ATG4C: variants seen among roughly 807,000 people sequenced by gnomAD.
The protein encoded by ATG4C is cysteine protease ATG4C.
ATG4C carries 56 observed loss-of-function variants against 57.6 expected under a neutral mutation model. The ratio of observed to expected loss-of-function variants is 0.97; its 90% CI spans 0.78 to 1.21. ATG4C has a LOEUF of 1.21. Among genes scored for constraint, ATG4C ranks in the 50% most tolerant of loss-of-function variants. The pLI is 0.00. For missense variants in ATG4C, 595 were observed against 529.8 expected, an observed-to-expected ratio of 1.12 and a Z score of -1.21; for synonymous variants, 157 against 174.1, an observed-to-expected ratio of 0.90 and a Z score of 0.78.
At chr1:62,804,338 C>A (rs1159846425) in intron 2 of ATG4C, among the ~76,000 whole-genome samples, 2 of 152,234 alleles carry the variant, frequency 1.3e-5, no homozygotes, top group Admixed American at 6.5e-5. Context: ...GATCCGCCCA[C>A]CTTGGCCTCC....
chr1:62,849,294 C>T (rs758845617), intron 10 of ATG4C, among the ~76,000 whole-genome samples: 5 of 152,116 alleles, frequency 3.3e-5, no homozygotes, highest in South Asian at 4.1e-4. Flanking sequence ...GAAGGGAAGA[C>T]GAAGAGCTTG....
intron 7 of ATG4C, among the ~76,000 whole-genome samples, chr1:62,831,179 A>G (rs1330123500): frequency 6.6e-6 from 1 of 152,138 alleles, no homozygotes; most frequent in Non-Finnish European, 1.5e-5. Flanking sequence ...GTTAGGTAAA[A>G]ATGGCTGAAA....
intron 4 of ATG4C, 115 bp from the exon 5 acceptor site, chr1:62,818,890 T>C (rs1665372655): frequency 1.0e-5 from 8 of 802,556 alleles, no homozygotes; most frequent in Non-Finnish European, 1.5e-5. Context: ...TTACCTATTT[T>C]TGAATTTACT....
chr1:62,853,044 AT>A (rs1341795812), intron 10 of ATG4C, among the ~76,000 whole-genome samples: 1 of 152,070 alleles, frequency 6.6e-6, no homozygotes, highest in African/African-American at 2.4e-5. Flanking sequence ...TAGATGGTAA[AT>A]TTTTTGAATT....
chr1:62,847,970 G>A (rs1666380550), intron 10 of ATG4C, among the ~76,000 whole-genome samples: 1 of 152,134 alleles, frequency 6.6e-6, no homozygotes, highest in Admixed American at 6.6e-5. Context: ...TTAACACTGT[G>A]TCTAATCTTC....
At chr1:62,848,949 T>A (rs1416889909) in intron 10 of ATG4C, among the ~76,000 whole-genome samples, 1 of 152,218 alleles carries the variant, frequency 6.6e-6, no homozygotes, top group Non-Finnish European at 1.5e-5. Context: ...TACAGGACAC[T>A]TTTGAAAATT....
chr1:62,832,669 T>G (rs1458937031), intron 7 of ATG4C, among the ~76,000 whole-genome samples: 1 of 152,138 alleles, frequency 6.6e-6, no homozygotes, highest in Non-Finnish European at 1.5e-5. Flanking sequence ...CTTTCAACAC[T>G]ACATTGGGGA....
intron 1 of ATG4C, among the ~76,000 whole-genome samples, chr1:62,801,373 TATATCTAGAGTGTAA>T (rs1311813235): frequency 6.6e-6 from 1 of 152,048 alleles, no homozygotes; most frequent in Non-Finnish European, 1.5e-5. Context: ...ATCCCGAGAA[TATATCTAGAGTGTAA>T]ATTCCAAGAG....
intron 8 of ATG4C, 119 bp from the exon 9 acceptor site, chr1:62,834,653 ATATC>A: frequency 1.4e-6 from 1 of 692,766 alleles, no homozygotes; most frequent in Non-Finnish European, 2.5e-6. Context: ...CAGTCAATGA[ATATC>A]AGTCTGGCAA....
chr1:62,797,166 A>G (rs147525174), intron 1 of ATG4C, among the ~76,000 whole-genome samples: 2 of 152,312 alleles, frequency 1.3e-5, no homozygotes, highest in African/African-American at 4.8e-5. Context: ...TTTTATGTAT[A>G]TATGTACATG....
At position 62,853,643 on chromosome 1, in the gene ATG4C, A is replaced by G. The variant is rs555101627; in HGVS notation, c.1210-10349A>G. Among the ~76,000 whole-genome samples the G allele has an allele frequency of 9.3e-4, 141 of 152,178 alleles. 1 individual carries two copies. Among genetic ancestry groups the G allele is most frequent in the African/African-American group, 3.3e-3 (135 of 41,536 alleles). On this transcript the variant is annotated intron_variant, in intron 10 of 10. Transcript: ENST00000317868. ...ACATTTTTTGTAGAGACAGGGTTTC[A>G]CTATGTTGCCCTGGCTGGTCGTGAA... is the stretch of plus-strand genomic sequence containing the variant.
chr1:62,788,726 G>A (rs1486196299), intron 1 of ATG4C, among the ~76,000 whole-genome samples: 1 of 151,924 alleles, frequency 6.6e-6, no homozygotes, highest in East Asian at 1.9e-4. Context: ...ATTGTATTTA[G>A]TACTTATATG....
chr1:62,812,018 C>G (rs1323307831), intron 3 of ATG4C, among the ~76,000 whole-genome samples: 1 of 152,124 alleles, frequency 6.6e-6, no homozygotes, highest in Non-Finnish European at 1.5e-5. Flanking sequence ...TTGTTAGGTA[C>G]ATAAACATTT....
chr1:62,855,185 G>T (rs770044083), intron 10 of ATG4C, among the ~76,000 whole-genome samples: 8 of 151,996 alleles, frequency 5.3e-5, no homozygotes, highest in Non-Finnish European at 1.0e-4. Flanking sequence ...GTCTTTGGCC[G>T]TTCTGTACTG....
At chr1:62,829,453 C>G (rs755259761) in intron 7 of ATG4C, among the ~76,000 whole-genome samples, 1 of 152,024 alleles carries the variant, frequency 6.6e-6, no homozygotes, top group Non-Finnish European at 1.5e-5. Context: ...AATATAGTTA[C>G]AGTTTCATTA....
At chr1:62,816,112 C>T (rs1665262750) in intron 3 of ATG4C, among the ~76,000 whole-genome samples, 1 of 152,116 alleles carries the variant, frequency 6.6e-6, no homozygotes, top group African/African-American at 2.4e-5. Flanking sequence ...TATCTGAAAA[C>T]GTCTTTATTT....
intron 7 of ATG4C, among the ~76,000 whole-genome samples, chr1:62,832,869 A>T (rs1665884490): frequency 6.6e-6 from 1 of 152,204 alleles, no homozygotes; most frequent in African/African-American, 2.4e-5. Flanking sequence ...ATTTATTGAT[A>T]GGAAAAGATA....
At chr1:62,795,183 G>T (rs1376969165) in intron 1 of ATG4C, among the ~76,000 whole-genome samples, 4 of 152,208 alleles carry the variant, frequency 2.6e-5, no homozygotes, top group African/African-American at 9.7e-5. Flanking sequence ...TCTGCCAGGA[G>T]CATTTACTTG....
chr1:62,829,060 G>A lies in ATG4C; in HGVS notation c.817G>A (p.Asp273Asn). 1 of 1,610,896 alleles carries A rather than the reference G, an allele frequency of 6.2e-7. No individual in the cohort carries two copies. The highest frequency in any genetic ancestry group is 8.5e-7 in the Non-Finnish European group (1 of 1,178,052). The change falls in exon 7 of 11, where the codon GAT becomes AAT. Residue 273 changes from aspartate to asparagine, a missense_variant. Transcript: ENST00000317868. Reference sequence around the variant, plus strand: ...CTCAGTTTACAATTCTGATGTAATTGATAAACAGAGTGCTTCCATGACTTC... The same window carrying A: ...CTCAGTTTACAATTCTGATGTAATTAATAAACAGAGTGCTTCCATGACTTC... ...DCTVYNSDVI[D>N]KQSASMTSDN...
Sources: allele counts gnomAD v4.1 joint callset (sites outside exome capture counted in the v4.1 genomes callset), GRCh38; gene constraint gnomAD v4.1.1; transcripts MANE v1.5; gene names NCBI Gene and HGNC (gene_info 2026-07-23, HGNC 2026-07-21).